Variants in CDKAL1 observed in about 807,000 individuals in gnomAD.
CDKAL1 encodes the protein CDKAL1 threonylcarbamoyladenosine tRNA methylthiotransferase.
In CDKAL1, 32 loss-of-function variants were observed where a neutral mutation model predicts 68.2. The observed-to-expected ratio is 0.47, with a 90% CI of 0.35 to 0.63. The LOEUF is 0.63. CDKAL1 is among the 30% of genes least tolerant of loss of function. The probability of loss-of-function intolerance (pLI) is 0.00; values close to 1 mark genes in which losing one functional copy is unlikely to be tolerated. For missense variants in CDKAL1, 606 were observed against 696.7 expected (o/e 0.87, Z 1.47); for synonymous variants, 234 against 244.3 (o/e 0.96, Z 0.39).
chr6:21,161,867 T>C (rs1776942444), intron 13 of CDKAL1, among the ~76,000 whole-genome samples: 1 of 152,210 alleles, frequency 6.6e-6, no homozygotes, highest in Non-Finnish European at 1.5e-5. Flanking sequence ...CATTTTCTAC[T>C]AAAAGCTGCA....
intron 13 of CDKAL1, among the ~76,000 whole-genome samples, chr6:21,156,470 C>G (rs1048054737): frequency 3.3e-5 from 5 of 149,950 alleles, no homozygotes; most frequent in Non-Finnish European, 7.4e-5. Context: ...AAAATATACA[C>G]TACAGTGTTA....
In CDKAL1 at chr6:20,739,664, C is replaced by T. The variant is rs187613116; in HGVS notation, c.468+49C>T. The T allele has an allele frequency of 8.2e-5, 80 of 980,710 alleles. No homozygotes were observed. The African/African-American group carries it at 9.8e-4, about 12-fold the overall frequency. The allele number at this position is 980,710 out of a possible 1,614,324, so 60.8% of individuals were successfully genotyped here. A position where few individuals can be genotyped will look rare whatever the true frequency, so the allele number is the denominator to read the frequency against. On this transcript the variant is annotated intron_variant, in intron 6 of 15. Transcript: ENST00000274695. ...AGAGAAAATCTTACATTGTTAACAC[C>T]TGTAATAGCTCCGCATTTTATTTTC...
intron 8 of CDKAL1, among the ~76,000 whole-genome samples, chr6:20,799,208 G>A (rs1010973810): frequency 2.0e-5 from 3 of 151,564 alleles, no homozygotes; most frequent in Admixed American, 1.3e-4. Context: ...ACGCACCACC[G>A]CACCTGGCTA....
At chr6:21,050,558 TCTCGGGC>T in intron 11 of CDKAL1, among the ~76,000 whole-genome samples, 1 of 152,304 alleles carries the variant, frequency 6.6e-6, no homozygotes, top group East Asian at 1.9e-4. Flanking sequence ...TGTGGCTGGG[TCTCGGGC>T]CTTTTATGGA....
intron 5 of CDKAL1, among the ~76,000 whole-genome samples, chr6:20,652,645 C>A (rs1044728582): frequency 6.6e-6 from 1 of 152,130 alleles, no homozygotes; most frequent in Non-Finnish European, 1.5e-5. Context: ...TTTTTTCTTG[C>A]CTTCCCAGCC....
chr6:20,711,818 T>G (rs1271259848), intron 5 of CDKAL1, among the ~76,000 whole-genome samples: 2 of 152,238 alleles, frequency 1.3e-5, no homozygotes, highest in Non-Finnish European at 2.9e-5. Context: ...AGATATTACA[T>G]GCAGTCATGA....
In CDKAL1 at chr6:21,231,572, A is replaced by G. The variant is rs1030649336; in HGVS notation, c.*533A>G. 3.9e-5 allele frequency: 6 copies of G among 152,344 alleles called. No homozygotes were observed. The highest frequency in any genetic ancestry group is 8.8e-5 in the Non-Finnish European group (6 of 68,140). The allele number at this position is 152,344 out of a possible 1,614,324, so 9.4% of individuals were successfully genotyped here. On this transcript the variant is annotated 3_prime_UTR_variant, in exon 16 of 16. Coordinates refer to ENST00000274695, the MANE Select transcript of CDKAL1 (RefSeq NM_017774.3). ...CTCCCAAGTAGCTGGGATTACAGGCATGCGCCACCAAGCCCAGACAATTTT... is the reference window on the plus strand; with the variant it reads ...CTCCCAAGTAGCTGGGATTACAGGCGTGCGCCACCAAGCCCAGACAATTTT...
At chr6:21,152,224 C>G (rs1351647869) in intron 13 of CDKAL1, among the ~76,000 whole-genome samples, 1 of 152,162 alleles carries the variant, frequency 6.6e-6, no homozygotes. Context: ...TCAATCAGAT[C>G]CCTTCAGCCT....
At chr6:20,810,306 T>G (rs1776738923) in intron 8 of CDKAL1, among the ~76,000 whole-genome samples, 1 of 151,946 alleles carries the variant, frequency 6.6e-6, no homozygotes, top group African/African-American at 2.4e-5. Context: ...AGTTGTTGTA[T>G]CATTTAATTA....
At chr6:21,210,198 C>T (rs1779098608) in intron 15 of CDKAL1, among the ~76,000 whole-genome samples, 1 of 152,116 alleles carries the variant, frequency 6.6e-6, no homozygotes, top group Non-Finnish European at 1.5e-5. Context: ...TTGGAGATAC[C>T]ATCCTGCCCT....
intron 5 of CDKAL1, among the ~76,000 whole-genome samples, chr6:20,655,540 T>C (rs1180279833): frequency 6.6e-6 from 1 of 152,188 alleles, no homozygotes; most frequent in Non-Finnish European, 1.5e-5. Flanking sequence ...GAGGTCTGCC[T>C]GCTATTAGAT....
chr6:20,862,005 AT>A (rs1478158722), intron 9 of CDKAL1, among the ~76,000 whole-genome samples: 2 of 152,236 alleles, frequency 1.3e-5, no homozygotes, highest in Non-Finnish European at 2.9e-5. Context: ...ATGATGTGTT[AT>A]GCAGCCAGAC....
At chr6:21,135,911 A>C (rs1398646222) in intron 13 of CDKAL1, 3 of 152,578 alleles carry the variant, frequency 2.0e-5, no homozygotes, top group African/African-American at 7.2e-5. Flanking sequence ...CTTTGATTAG[A>C]AATGTAATAA....
chr6:20,895,782 C>T (rs1389840421), intron 9 of CDKAL1, among the ~76,000 whole-genome samples: 2 of 152,190 alleles, frequency 1.3e-5, no homozygotes, highest in Non-Finnish European at 2.9e-5. Flanking sequence ...CTTCTGCAAG[C>T]ACTACCATAC....
chr6:20,955,398 A>C, intron 9 of CDKAL1, 21 bp from the exon 10 acceptor site: 2 of 1,613,344 alleles, frequency 1.2e-6, no homozygotes, highest in Non-Finnish European at 1.7e-6. Context: ...AGATTTGTTA[A>C]TTATCTCTTT....
chr6:20,836,412 A>C (rs1013681908), intron 8 of CDKAL1, among the ~76,000 whole-genome samples: 2 of 152,336 alleles, frequency 1.3e-5, no homozygotes, highest in Non-Finnish European at 2.9e-5. Flanking sequence ...CAGTGGCATT[A>C]CAGTTGAAAA....
chr6:20,785,401 C>T (rs59582234), intron 8 of CDKAL1, among the ~76,000 whole-genome samples: 3 of 151,108 alleles, frequency 2.0e-5, no homozygotes, highest in East Asian at 1.9e-4. Context: ...CTGCAACCTC[C>T]GCCTCCTGGG....
chr6:21,000,124 T>C, intron 10 of CDKAL1, 103 bp from the exon 11 acceptor site: 3 of 805,268 alleles, frequency 3.7e-6, no homozygotes, highest in South Asian at 2.0e-5. Flanking sequence ...TGGTCTGTTT[T>C]CAGCTAGTAT....
rs1313598738 is a variant in CDKAL1, at chr6:21,131,267, T to C, written c.1299+22804T>C. Among the ~76,000 whole-genome samples, 5 of 152,194 alleles carry C rather than the reference T, an allele frequency of 3.3e-5. No individual in the cohort carries two copies. In the South Asian group the frequency reaches 6.2e-4, roughly 19 times the overall value. On this transcript the variant is annotated intron_variant, in intron 13 of 15. Coordinates refer to ENST00000274695, the MANE Select transcript of CDKAL1 (RefSeq NM_017774.3). ...ATCTGGTTGGCTCTGATAGATTTAG[T>C]TGTAGATATAAATATATTTTTTAAT...
Sources: allele counts gnomAD v4.1 joint callset (sites outside exome capture counted in the v4.1 genomes callset), GRCh38; gene constraint gnomAD v4.1.1; transcripts MANE v1.5; gene names NCBI Gene and HGNC (gene_info 2026-07-23, HGNC 2026-07-21).